VPS8: variants seen among roughly 807,000 people sequenced by gnomAD.
VPS8 encodes vacuolar protein sorting-associated protein 8 homolog.
In VPS8, 129 loss-of-function variants were observed where a neutral mutation model predicts 216.4. That is an observed-to-expected ratio of 0.60 (90% confidence interval 0.52 to 0.69). VPS8 has a LOEUF of 0.69. Ranked by LOEUF, VPS8 falls within the 30% of genes least tolerant of loss-of-function variation. The pLI is 0.00. For synonymous variants in VPS8, 571 were observed against 565.4 expected, an observed-to-expected ratio of 1.01 and a Z score of -0.14; for missense variants, 1,531 against 1,683.5, an observed-to-expected ratio of 0.91 and a Z score of 1.59.
chr3:184,871,941 AGCTTCT>A (rs1728421758), intron 21 of VPS8, among the ~76,000 whole-genome samples: 1 of 152,120 alleles, frequency 6.6e-6, no homozygotes, highest in African/African-American at 2.4e-5. Context: ...CATGCTAGTG[AGCTTCT>A]GGTAGAGTAA....
rs1186200960 is a variant in VPS8, at chr3:185,024,382, C to T, written c.4049C>T (p.Ala1350Val). The change falls in exon 46 of 48, where the codon GCT (alanine) becomes GTT (valine). Residue 1350 changes from alanine to valine, a missense_variant. Around this residue, in one of 3 missense-constraint regions of VPS8, gnomAD observed 1,318 missense variants for 1,468.4 expected, o/e 0.90. Transcript: ENST00000625842. ...SYHQSKGDPT[A>V]KKGTSEPVLD... is the part of the protein sequence containing the mutation. ...CATCAGTCCAAAGGGGATCCCACTG[C>T]TAAAAAGGTGAGTTTGTTTTAAAGG... 1.9e-6 allele frequency: 3 copies of T among 1,596,812 alleles called. No homozygotes were observed. The highest frequency in any genetic ancestry group is 2.6e-6 in the Non-Finnish European group (3 of 1,170,818).
intron 18 of VPS8, among the ~76,000 whole-genome samples, 186 bp from the exon 19 acceptor site, chr3:184,868,760 A>G (rs1003728769): frequency 6.6e-6 from 1 of 152,212 alleles, no homozygotes; most frequent in African/African-American, 2.4e-5. Flanking sequence ...ATACTAGCAT[A>G]TATAGTCATT....
intron 45 of VPS8, among the ~76,000 whole-genome samples, chr3:185,012,793 T>A (rs1181743835): frequency 6.6e-6 from 1 of 152,166 alleles, no homozygotes; most frequent in Non-Finnish European, 1.5e-5. Context: ...CCTAACCCAG[T>A]GGCACTAGAG....
chr3:184,864,022 A>C (rs1367970326), intron 16 of VPS8, among the ~76,000 whole-genome samples: 2 of 152,144 alleles, frequency 1.3e-5, no homozygotes, highest in Non-Finnish European at 2.9e-5. Flanking sequence ...CTTGTGTTTG[A>C]ATGGTATTAA....
intron 46 of VPS8, among the ~76,000 whole-genome samples, chr3:185,039,213 T>C (rs1759305645): frequency 1.3e-5 from 2 of 152,204 alleles, no homozygotes; most frequent in Admixed American, 6.5e-5. Flanking sequence ...CTTCATTTGG[T>C]CTTTAAATAC....
At chr3:184,858,012 G>A (rs1002901471) in intron 14 of VPS8, among the ~76,000 whole-genome samples, 1 of 152,190 alleles carries the variant, frequency 6.6e-6, no homozygotes, top group African/African-American at 2.4e-5. Context: ...ATCAGGTGAG[G>A]TCACCACTGT....
chr3:184,847,287 CT>C lies in VPS8; in HGVS notation c.542-1782del, dbSNP rs200870164. Reference sequence around the variant, plus strand: ...CATTTTATGAGCACAGAAAAGGACTCTTACAGTATTCACTCTGAATGGGCAA... The same window carrying C: ...CATTTTATGAGCACAGAAAAGGACTCTACAGTATTCACTCTGAATGGGCAA... On this transcript the variant is annotated intron_variant, in intron 8 of 47. Transcript: ENST00000625842. Among the ~76,000 whole-genome samples, 189 of 152,304 alleles carry C rather than the reference CT, an allele frequency of 1.2e-3. 4 individuals are homozygous for C. The East Asian group carries it at 0.034, about 28-fold the overall frequency.
At position 185,048,442 on chromosome 3, in the gene VPS8, C is replaced by T. The variant is rs775477102; in HGVS notation, c.4057-37C>T. 1.1e-4 allele frequency: 173 copies of T among 1,605,442 alleles called. No homozygotes were observed. In the Admixed American group the frequency reaches 2.6e-3, roughly 24 times the overall value. On this transcript the variant is annotated intron_variant, in intron 46 of 47. Coordinates refer to ENST00000625842, the MANE Select transcript of VPS8 (RefSeq NM_001009921.3). ...AGCAAGTTGAGAGGCTGCCTAGCCACGTGATGTTGTTAATCGTATCGGTTT... is the reference window on the plus strand; with the variant it reads ...AGCAAGTTGAGAGGCTGCCTAGCCATGTGATGTTGTTAATCGTATCGGTTT...
chr3:184,961,011 A>T (rs577333251), intron 37 of VPS8, among the ~76,000 whole-genome samples: 1 of 152,354 alleles, frequency 6.6e-6, no homozygotes, highest in African/African-American at 2.4e-5. Context: ...TCGATCAAGC[A>T]TGATAGGAAT....
intron 17 of VPS8, among the ~76,000 whole-genome samples, chr3:184,867,245 T>A (rs1727531582): frequency 1.3e-5 from 2 of 152,232 alleles, no homozygotes; most frequent in Admixed American, 6.5e-5. Flanking sequence ...GGCAGCTACC[T>A]AATCATGGAT....
chr3:185,045,291 T>G (rs1246550901), intron 46 of VPS8, among the ~76,000 whole-genome samples: 1 of 148,454 alleles, frequency 6.7e-6, no homozygotes, highest in African/African-American at 2.5e-5. Context: ...TCTTAGTAAT[T>G]GTAGAGAGTA....
intron 7 of VPS8, among the ~76,000 whole-genome samples, chr3:184,840,757 G>T (rs1721990567): frequency 6.6e-6 from 1 of 151,714 alleles, no homozygotes; most frequent in Non-Finnish European, 1.5e-5. Context: ...AGTTTTTTTG[G>T]GGGGGGTCAT....
chr3:184,813,956 T>C (rs1715748387), intron 1 of VPS8: 1 of 152,258 alleles, frequency 6.6e-6, no homozygotes, highest in African/African-American at 2.4e-5. Flanking sequence ...CATCGGTACA[T>C]AGTGGTAAGA....
intron 22 of VPS8, among the ~76,000 whole-genome samples, chr3:184,890,007 G>C (rs1732046123): frequency 6.6e-6 from 1 of 152,102 alleles, no homozygotes; most frequent in South Asian, 2.1e-4. Flanking sequence ...CCACTTAAAT[G>C]GTAGAGTTTT....
At chr3:185,041,285 A>G (rs750062268) in intron 46 of VPS8, among the ~76,000 whole-genome samples, 6 of 151,862 alleles carry the variant, frequency 4.0e-5, no homozygotes, top group Non-Finnish European at 5.9e-5. Context: ...ATTAGCTCCC[A>G]TGCTAATGCA....
intron 37 of VPS8, 50 bp downstream of exon 37, chr3:184,957,571 T>C (rs4501092): frequency 1 from 1,529,465 of 1,530,212 alleles, 764,362 homozygotes; most frequent in East Asian, 1. Flanking sequence ...CTTAACATTC[T>C]CCATTTGACA....
intron 45 of VPS8, among the ~76,000 whole-genome samples, chr3:185,007,194 C>T (rs1313338939): frequency 6.6e-6 from 1 of 152,236 alleles, no homozygotes; most frequent in African/African-American, 2.4e-5. Context: ...CTCCTTCCCA[C>T]AGGCTTACTG....
chr3:184,854,279 C>T, intron 13 of VPS8, 106 bp downstream of exon 13: 1 of 1,291,400 alleles, frequency 7.7e-7, no homozygotes, highest in Non-Finnish European at 1.1e-6. Context: ...GAAAACTAGA[C>T]AGGATGAAAG....
At chr3:184,852,614 G>C (rs542560163) in intron 11 of VPS8, 47 bp downstream of exon 11, 1 of 1,558,412 alleles carries the variant, frequency 6.4e-7, no homozygotes, top group East Asian at 2.2e-5. Context: ...GACTAGCTCT[G>C]TTTTAATGAT....
Sources: gnomAD v4.1 joint callset for allele counts (sites outside exome capture counted in the v4.1 genomes callset) on GRCh38, gnomAD v4.1.1 for gene constraint, gnomAD v4.1.1 regional missense constraint, MANE v1.5 for transcripts, NCBI Gene and HGNC (gene_info 2026-07-23, HGNC 2026-07-21) for gene names.